Variants in NRXN1 observed in about 807,000 individuals in gnomAD.
NRXN1 encodes neurexin-1.
Under a neutral mutation model 150.9 loss-of-function variants are expected in NRXN1, and 39 were observed. The observed-to-expected ratio is 0.26, with a 90% CI of 0.20 to 0.34. The LOEUF is 0.34. Among genes scored for constraint, NRXN1 ranks in the 10% least tolerant of loss-of-function variants. NRXN1 has a pLI of 1.00. For missense variants in NRXN1, 1,815 were observed against 1,949.9 expected, an observed-to-expected ratio of 0.93 and a Z score of 1.30; for synonymous variants, 924 against 757.0, an observed-to-expected ratio of 1.22 and a Z score of -3.62.
At chr2:50,364,737 T>C (rs2079468195) in intron 17 of NRXN1, among the ~76,000 whole-genome samples, 2 of 152,114 alleles carry the variant, frequency 1.3e-5, no homozygotes, top group African/African-American at 4.8e-5. Flanking sequence ...GTCTTTTCTC[T>C]TTTGGCAGTA....
At chr2:50,153,280 A>G (rs2058802361) in intron 18 of NRXN1, among the ~76,000 whole-genome samples, 1 of 151,242 alleles carries the variant, frequency 6.6e-6, no homozygotes, top group Non-Finnish European at 1.5e-5. Context: ...CATTTTTAAG[A>G]CAATTGTTTT....
intron 17 of NRXN1, among the ~76,000 whole-genome samples, chr2:50,383,806 T>C (rs1362658230): frequency 6.6e-6 from 1 of 152,140 alleles, no homozygotes; most frequent in Non-Finnish European, 1.5e-5. Flanking sequence ...CCTAATAGTT[T>C]ATGCTGCTAT....
chr2:50,651,698 G>T (rs1685664056), intron 5 of NRXN1, among the ~76,000 whole-genome samples: 1 of 151,870 alleles, frequency 6.6e-6, no homozygotes, highest in African/African-American at 2.4e-5. Context: ...CGACACACAT[G>T]CTCTCTTCCA....
chr2:50,248,973 C>G (rs927636071), intron 17 of NRXN1, among the ~76,000 whole-genome samples: 2 of 150,578 alleles, frequency 1.3e-5, no homozygotes, highest in African/African-American at 4.9e-5. Flanking sequence ...ATAGCAAGAT[C>G]CTGTCTTTAC....
chr2:50,811,334 T>C (rs1437610999), intron 5 of NRXN1, among the ~76,000 whole-genome samples: 1 of 152,126 alleles, frequency 6.6e-6, no homozygotes, highest in Non-Finnish European at 1.5e-5. Context: ...GCAAGTATTG[T>C]CTGCAACCAA....
chr2:50,454,532 G>T (rs965725330), intron 17 of NRXN1, among the ~76,000 whole-genome samples: 5 of 151,830 alleles, frequency 3.3e-5, no homozygotes, highest in African/African-American at 9.7e-5. Context: ...AAAGCATTTT[G>T]TTCCTAGTTA....
rs527868577 is a variant in NRXN1 at position 50,255,917 on chromosome 2, G to C, written c.3365-18947C>G. On this transcript the variant is annotated intron_variant, in intron 17 of 22. Transcript: ENST00000401669. ...CAAATCTTCTAGATCATTTATCAAA[G>C]AATGACATGACTTTCTCTTCCTTCC... Among the ~76,000 whole-genome samples the C allele has an allele frequency of 2.8e-4, 42 of 152,170 alleles. No homozygotes were observed. The South Asian group carries it at 7.9e-3, about 29-fold the overall frequency.
intron 5 of NRXN1, among the ~76,000 whole-genome samples, chr2:50,828,561 C>T (rs1428699116): frequency 3.3e-5 from 5 of 151,756 alleles, no homozygotes; most frequent in South Asian, 2.1e-4. Context: ...GGGTCGCGGC[C>T]GGGCAGAGGC....
chr2:50,103,478 G>C (rs1232670621), intron 18 of NRXN1, among the ~76,000 whole-genome samples: 50 of 152,114 alleles, frequency 3.3e-4, no homozygotes, highest in Non-Finnish European at 1.5e-5. Context: ...AGGGTTTAAT[G>C]CCTGTGTCCC....
At chr2:50,375,672 T>C (rs1249223916) in intron 17 of NRXN1, among the ~76,000 whole-genome samples, 1 of 151,158 alleles carries the variant, frequency 6.6e-6, no homozygotes, top group African/African-American at 2.4e-5. Context: ...ACTATTGCAA[T>C]AGCAATAGTC....
chr2:50,919,804 A>G (rs770169233), intron 5 of NRXN1: 1 of 160,716 alleles, frequency 6.2e-6, no homozygotes, highest in Non-Finnish European at 1.4e-5. Flanking sequence ...GGATATTCAC[A>G]TAAGACAGAC....
At chr2:51,001,848 G>A (rs1383692022) in intron 2 of NRXN1, among the ~76,000 whole-genome samples, 1 of 151,854 alleles carries the variant, frequency 6.6e-6, no homozygotes, top group Non-Finnish European at 1.5e-5. Flanking sequence ...CACTCCTGAA[G>A]CACATCACAA....
chr2:50,225,026 T>C (rs2064238362), intron 18 of NRXN1, among the ~76,000 whole-genome samples: 3 of 151,980 alleles, frequency 2.0e-5, no homozygotes, highest in Non-Finnish European at 1.5e-5. Context: ...AAAGTCTTCC[T>C]TTCATAAGAA....
intron 15 of NRXN1, among the ~76,000 whole-genome samples, chr2:50,493,679 C>T (rs911183024): frequency 1.3e-5 from 2 of 152,130 alleles, no homozygotes; most frequent in African/African-American, 2.4e-5. Flanking sequence ...TAAGAGGCAC[C>T]GTGGGATGAC....
At chr2:50,235,388 T>C (rs1196930710) in intron 18 of NRXN1, among the ~76,000 whole-genome samples, 1 of 152,074 alleles carries the variant, frequency 6.6e-6, no homozygotes, top group African/African-American at 2.4e-5. Context: ...GAGAACTACA[T>C]TTTAAATTGA....
intron 17 of NRXN1, among the ~76,000 whole-genome samples, chr2:50,316,019 G>T (rs185357743): frequency 1.3e-4 from 20 of 152,212 alleles, no homozygotes; most frequent in African/African-American, 4.8e-4. Context: ...AGATGAAGGA[G>T]TTGGTAGTAT....
intron 5 of NRXN1, among the ~76,000 whole-genome samples, chr2:50,865,765 G>A (rs1166660708): frequency 7.1e-6 from 1 of 141,074 alleles, no homozygotes; most frequent in Non-Finnish European, 1.5e-5. Context: ...GTGGGGGGAT[G>A]TACATACATC....
intron 5 of NRXN1, among the ~76,000 whole-genome samples, chr2:50,837,315 T>C (rs1308269523): frequency 1.3e-5 from 2 of 152,160 alleles, no homozygotes; most frequent in African/African-American, 2.4e-5. Flanking sequence ...AATCGTTTAC[T>C]AGTTCCAAAC....
Position 50,978,841 on chromosome 2 carries a change from T to C in NRXN1, c.772+48661A>G, listed in dbSNP as rs186400747. Among the ~76,000 whole-genome samples, 302 of 152,162 alleles carry C rather than the reference T, an allele frequency of 2.0e-3. 6 individuals are homozygous for C. Among genetic ancestry groups the C allele is most frequent in the East Asian group, 5.8e-3 (30 of 5,172 alleles). On this transcript the variant is annotated intron_variant, in intron 2 of 22. Transcript: ENST00000401669. The stretch of plus-strand genomic sequence containing the variant: ...TTCATCCCCGGATGCTTCCTTAATA[T>C]GTGTGAACTTGTAGGACTATAAGTA...
Sources: gnomAD v4.1 joint callset for allele counts (sites outside exome capture counted in the v4.1 genomes callset) on GRCh38, gnomAD v4.1.1 for gene constraint, MANE v1.5 for transcripts, NCBI Gene and HGNC (gene_info 2026-07-23, HGNC 2026-07-21) for gene names.